Variants in FLRT2 observed in about 807,000 individuals in gnomAD.
FLRT2 encodes the protein leucine-rich repeat transmembrane protein FLRT2.
In FLRT2, 15 loss-of-function variants were observed where a neutral mutation model predicts 40.0. The ratio of observed to expected loss-of-function variants is 0.38; its 90% CI spans 0.25 to 0.58. FLRT2 has a LOEUF of 0.58. FLRT2 is among the 20% of genes least tolerant of loss of function. The pLI is 0.71. For synonymous variants in FLRT2, 380 were observed against 336.8 expected (o/e 1.13, Z -1.41); for missense variants, 726 against 840.0 (o/e 0.86, Z 1.68).
rs2139378540 is a variant in FLRT2 at position 85,626,319 on chromosome 14, T to G, written c.*2822T>G. 6.0e-6 allele frequency: 1 copy of G among 167,166 alleles called. No homozygotes were observed. Among genetic ancestry groups the G allele is most frequent in the Middle Eastern group, 3.4e-3 (1 of 296 alleles). 10.4% of individuals were successfully genotyped at this position (167,166 alleles called of 1,614,324 possible). On this transcript the variant is annotated 3_prime_UTR_variant, in exon 2 of 2. Coordinates refer to ENST00000330753, the MANE Select transcript of FLRT2 (RefSeq NM_013231.6). Reference sequence around the variant, plus strand: ...GTGTTTGGGCCTCTCTTGCTGTCATTATGATGTATTTTGAGATGATTAGTC... The same window carrying G: ...GTGTTTGGGCCTCTCTTGCTGTCATGATGATGTATTTTGAGATGATTAGTC...
chr14:85,589,372 A>G lies in FLRT2; in HGVS notation c.-376-31767A>G, dbSNP rs573152123. On this transcript the variant is annotated intron_variant, in intron 1 of 1. Coordinates refer to ENST00000330753, the MANE Select transcript of FLRT2 (RefSeq NM_013231.6). The stretch of plus-strand genomic sequence containing the variant: ...ATTTCTCTATTGGTCAGTGGTGTTG[A>G]GCACCTTTTCATATGCCTGATTGCC... 1.2e-4 allele frequency among the ~76,000 whole-genome samples: 19 copies of G among 152,206 alleles called. 1 individual carries two copies. In the South Asian group the frequency reaches 2.7e-3, roughly 22 times the overall value.
intron 1 of FLRT2, among the ~76,000 whole-genome samples, chr14:85,533,095 C>T (rs1888387205): frequency 6.6e-6 from 1 of 152,142 alleles, no homozygotes; most frequent in African/African-American, 2.4e-5. Flanking sequence ...GGGTAGCAGC[C>T]GCGCCTCCCA....
intron 1 of FLRT2, among the ~76,000 whole-genome samples, chr14:85,615,462 GTTTCT>G (rs368992123): frequency 3.9e-5 from 6 of 152,090 alleles, no homozygotes; most frequent in Admixed American, 6.6e-5. Context: ...TAAACAAAGT[GTTTCT>G]TTTCTTTTCT....
intron 1 of FLRT2, among the ~76,000 whole-genome samples, chr14:85,539,149 C>T (rs1332051617): frequency 1.3e-5 from 2 of 152,016 alleles, no homozygotes; most frequent in African/African-American, 4.8e-5. Context: ...CCAGTTCTCA[C>T]ATCCAGGATT....
At position 85,646,790 on chromosome 14, in the gene FLRT2, T is replaced by G. The variant is rs1894317976; in HGVS notation, c.*23293T>G. Reference sequence around the variant, plus strand: ...CACCACTACACCCAGCTAATTTTTGTTTTTTTTGGTAGAGATGGGGTTTCA... The same window carrying G: ...CACCACTACACCCAGCTAATTTTTGGTTTTTTTGGTAGAGATGGGGTTTCA... On this transcript the variant is annotated 3_prime_UTR_variant, in exon 2 of 2. Transcript: ENST00000330753. The G allele has an allele frequency of 6.6e-6, 1 of 151,434 alleles. No homozygotes were observed. Among genetic ancestry groups the G allele is most frequent in the Admixed American group, 6.6e-5 (1 of 15,180 alleles). 9.4% of individuals were successfully genotyped at this position (151,434 alleles called of 1,614,324 possible).
In FLRT2 at chr14:85,647,867, A is replaced by G. The variant is rs1894344311; in HGVS notation, c.*24370A>G. ...TTAGTCACAGTGCTAGGTGAGGTCA[A>G]AAGTAATATGAAATAGGAAGAGGAT... On this transcript the variant is annotated 3_prime_UTR_variant, in exon 2 of 2. Coordinates refer to ENST00000330753, the MANE Select transcript of FLRT2 (RefSeq NM_013231.6). 6.6e-6 allele frequency: 1 copy of G among 152,138 alleles called. No homozygotes were observed. The highest frequency in any genetic ancestry group is 2.4e-5 in the African/African-American group (1 of 41,436). 9.4% of individuals were successfully genotyped at this position (152,138 alleles called of 1,614,324 possible).
At chr14:85,538,939 G>C (rs1468918644) in intron 1 of FLRT2, among the ~76,000 whole-genome samples, 2 of 151,988 alleles carry the variant, frequency 1.3e-5, no homozygotes, top group Non-Finnish European at 2.9e-5. Flanking sequence ...CTCCCACTTT[G>C]CTCCCAAAAT....
intron 1 of FLRT2, among the ~76,000 whole-genome samples, chr14:85,584,581 A>G (rs890471490): frequency 6.6e-6 from 1 of 152,120 alleles, no homozygotes; most frequent in African/African-American, 2.4e-5. Flanking sequence ...GCCACAGAGG[A>G]CAGACATCCT....
rs1889999996 is a variant in FLRT2 at position 85,556,941 on chromosome 14, AG to A, written c.-377+26409del. Reference sequence around the variant, plus strand: ...CCTCAGAATCATGGCGGGAGGCAAAAGGCACTTCTTACATGGCAGCGGCAAG... The same window carrying A: ...CCTCAGAATCATGGCGGGAGGCAAAAGCACTTCTTACATGGCAGCGGCAAG... On this transcript the variant is annotated intron_variant, in intron 1 of 1. Coordinates refer to ENST00000330753, the MANE Select transcript of FLRT2 (RefSeq NM_013231.6). Among the ~76,000 whole-genome samples, 4 of 152,290 alleles carry A rather than the reference AG, an allele frequency of 2.6e-5. No homozygotes were observed. In the South Asian group the frequency reaches 8.3e-4, roughly 32 times the overall value.
Position 85,636,466 on chromosome 14 carries a change from C to T in FLRT2, c.*12969C>T, listed in dbSNP as rs941396485. ...TCTTTAGTGACAGAAATTCAAACTTCGAGACATGTTTGAAACATTTTATTT... is the reference window on the plus strand; with the variant it reads ...TCTTTAGTGACAGAAATTCAAACTTTGAGACATGTTTGAAACATTTTATTT... On this transcript the variant is annotated 3_prime_UTR_variant, in exon 2 of 2. Transcript: ENST00000330753. The T allele has an allele frequency of 3.4e-5, 5 of 147,860 alleles. No individual in the cohort carries two copies. Among genetic ancestry groups the T allele is most frequent in the East Asian group, 2.0e-4 (1 of 4,946 alleles). The allele number at this position is 147,860 out of a possible 1,614,324, so 9.2% of individuals were successfully genotyped here. A position where few individuals can be genotyped will look rare whatever the true frequency, so the allele number is the denominator to read the frequency against.
rs900863342 is a variant in FLRT2, at chr14:85,640,535, C to T, written c.*17038C>T. The T allele has an allele frequency of 6.6e-6, 1 of 152,126 alleles. No homozygotes were observed. The highest frequency in any genetic ancestry group is 2.4e-5 in the African/African-American group (1 of 41,428). 9.4% of individuals were successfully genotyped at this position (152,126 alleles called of 1,614,324 possible). On this transcript the variant is annotated 3_prime_UTR_variant, in exon 2 of 2. Coordinates refer to ENST00000330753, the MANE Select transcript of FLRT2 (RefSeq NM_013231.6). ...TGGGAGCCAGAAGCAAATTAGGAGA[C>T]ACAGAATTATTTAATAATAATGGTA...
chr14:85,646,628 A>G lies in FLRT2; in HGVS notation c.*23131A>G, dbSNP rs1894312953. ...TCTCGAATTTTTTTTTCTTTTATTT[A>G]TTTTTTGAGATGGAGTCTTGCTCTA... On this transcript the variant is annotated 3_prime_UTR_variant, in exon 2 of 2. Transcript: ENST00000330753. 1 of 151,240 alleles carries G rather than the reference A, an allele frequency of 6.6e-6. No individual in the cohort carries two copies. Among genetic ancestry groups the G allele is most frequent in the African/African-American group, 2.4e-5 (1 of 41,084 alleles). The allele number at this position is 151,240 out of a possible 1,614,324, so 9.4% of individuals were successfully genotyped here.
chr14:85,609,053 C>T (rs1892749304), intron 1 of FLRT2, among the ~76,000 whole-genome samples: 1 of 152,180 alleles, frequency 6.6e-6, no homozygotes, highest in Admixed American at 6.5e-5. Context: ...AAAGTCTCTT[C>T]CTTTCCCACT....
chr14:85,643,738 C>T lies in FLRT2; in HGVS notation c.*20241C>T, dbSNP rs983200449. ...ATTTATTAATGCATTGATGAGGACT[C>T]TCCTCTTTTAGATAGAGATGAAAGT... On this transcript the variant is annotated 3_prime_UTR_variant, in exon 2 of 2. Coordinates refer to ENST00000330753, the MANE Select transcript of FLRT2 (RefSeq NM_013231.6). The T allele has an allele frequency of 2.6e-5, 4 of 152,140 alleles. No homozygotes were observed. Among genetic ancestry groups the T allele is most frequent in the African/African-American group, 9.7e-5 (4 of 41,402 alleles). The allele number at this position is 152,140 out of a possible 1,614,324, so 9.4% of individuals were successfully genotyped here.
In FLRT2 at chr14:85,634,387, C is replaced by T. The variant is rs1379059787; in HGVS notation, c.*10890C>T. The stretch of plus-strand genomic sequence containing the variant: ...GTCTGTTTTGACTGGTAGGCCTCAG[C>T]TATCCTATTGCTAAGTATTTTACAT... On this transcript the variant is annotated 3_prime_UTR_variant, in exon 2 of 2. Coordinates refer to ENST00000330753, the MANE Select transcript of FLRT2 (RefSeq NM_013231.6). 6.6e-6 allele frequency: 1 copy of T among 152,184 alleles called. No individual in the cohort carries two copies. Among genetic ancestry groups the T allele is most frequent in the East Asian group, 1.9e-4 (1 of 5,182 alleles). The allele number at this position is 152,184 out of a possible 1,614,324, so 9.4% of individuals were successfully genotyped here.
At position 85,561,733 on chromosome 14, in the gene FLRT2, A is replaced by C. The variant is rs377481866; in HGVS notation, c.-377+31199A>C. 7.2e-4 allele frequency among the ~76,000 whole-genome samples: 109 copies of C among 152,376 alleles called. 1 individual carries two copies. The highest frequency in any genetic ancestry group is 3.4e-3 in the Middle Eastern group (1 of 294). ...AATGATAAAGTAGGAACGAGATAAA[A>C]TAGAATCGTACCAGAAGCCTTTCCC... On this transcript the variant is annotated intron_variant, in intron 1 of 1. Coordinates refer to ENST00000330753, the MANE Select transcript of FLRT2 (RefSeq NM_013231.6).
rs1414520321 is a variant in FLRT2, at chr14:85,635,041, CAT to C, written c.*11548_*11549del. 3 of 152,110 alleles carry C rather than the reference CAT, an allele frequency of 2.0e-5. No homozygotes were observed. The highest frequency in any genetic ancestry group is 4.8e-5 in the African/African-American group (2 of 41,420). 9.4% of individuals were successfully genotyped at this position (152,110 alleles called of 1,614,324 possible). ...ATGTGACTAGGATAGATAAAGCAAA[CAT>C]ATAAACACTCAGTTTCATTGACTTA... On this transcript the variant is annotated 3_prime_UTR_variant, in exon 2 of 2. Transcript: ENST00000330753.
chr14:85,550,858 T>A (rs550833728), intron 1 of FLRT2, among the ~76,000 whole-genome samples: 1 of 152,310 alleles, frequency 6.6e-6, no homozygotes, highest in South Asian at 2.1e-4. Context: ...ATTGGAAAAT[T>A]GTAGCATTTC....
rs1336828478 is a variant in FLRT2, at chr14:85,646,170, C to T, written c.*22673C>T. The stretch of plus-strand genomic sequence containing the variant: ...GGTAAGAGTCACTGTTATCATTCAC[C>T]ACAAGTTGCCTGAAGCAACCAGCCT... On this transcript the variant is annotated 3_prime_UTR_variant, in exon 2 of 2. Transcript: ENST00000330753. 1.3e-5 allele frequency: 2 copies of T among 152,110 alleles called. No homozygotes were observed. Among genetic ancestry groups the T allele is most frequent in the Non-Finnish European group, 2.9e-5 (2 of 68,026 alleles). The allele number at this position is 152,110 out of a possible 1,614,324, so 9.4% of individuals were successfully genotyped here. A position where few individuals can be genotyped will look rare whatever the true frequency, so the allele number is the denominator to read the frequency against.
Sources: gnomAD v4.1 joint callset for allele counts (sites outside exome capture counted in the v4.1 genomes callset) on GRCh38, gnomAD v4.1.1 for gene constraint, MANE v1.5 for transcripts, NCBI Gene and HGNC (gene_info 2026-07-23, HGNC 2026-07-21) for gene names.